Variants in TNFRSF19 observed in about 807,000 individuals in gnomAD.
The protein encoded by TNFRSF19 is tumor necrosis factor receptor superfamily member 19.
In TNFRSF19, 27 loss-of-function variants were observed where a neutral mutation model predicts 46.4. The observed-to-expected ratio is 0.58, with a 90% confidence interval of 0.43 to 0.80. The LOEUF is 0.80. Among genes scored for constraint, TNFRSF19 ranks in the 30% least tolerant of loss-of-function variants. The pLI, the probability that TNFRSF19 is intolerant of heterozygous loss-of-function variation, is 0.00. For synonymous variants in TNFRSF19, 204 were observed against 205.0 expected, an observed-to-expected ratio of 1.00 and a Z score of 0.04; for missense variants, 511 against 530.8, an observed-to-expected ratio of 0.96 and a Z score of 0.37.
At chr13:23,634,252 T>G (rs1260117808) in intron 5 of TNFRSF19, among the ~76,000 whole-genome samples, 1 of 152,228 alleles carries the variant, frequency 6.6e-6, no homozygotes, top group Non-Finnish European at 1.5e-5. Flanking sequence ...CAGCACCCCT[T>G]GAATTGGGAG....
chr13:23,659,272 TGTC>T lies in TNFRSF19; in HGVS notation c.610+61_610+63del. 2 of 1,542,250 alleles carry T rather than the reference TGTC, an allele frequency of 1.3e-6. No homozygotes were observed. Among genetic ancestry groups the T allele is most frequent in the South Asian group, 2.5e-5 (2 of 80,542 alleles). Reference sequence around the variant, plus strand: ...TTAGGGGAAGGGCATTTATTACTATTGTCGTGCAAGTGTTCCACAAGAGACTTG... The same window carrying T: ...TTAGGGGAAGGGCATTTATTACTATTGTGCAAGTGTTCCACAAGAGACTTG... On this transcript the variant is annotated intron_variant, in intron 6 of 9. Coordinates refer to ENST00000248484, the MANE Select transcript of TNFRSF19 (RefSeq NM_148957.4). This position sits in a 1 kb window ranked among gnomAD's most constrained non-coding sequence, Gnocchi z 4.9.
chr13:23,650,115 T>G (rs1476263910), intron 5 of TNFRSF19, among the ~76,000 whole-genome samples: 1 of 152,222 alleles, frequency 6.6e-6, no homozygotes, highest in Non-Finnish European at 1.5e-5. Flanking sequence ...AAACAGCTCT[T>G]CTGGCATAAA....
chr13:23,657,154 T>C (rs751546993), intron 5 of TNFRSF19, among the ~76,000 whole-genome samples: 7 of 152,254 alleles, frequency 4.6e-5, no homozygotes, highest in African/African-American at 9.6e-5. Flanking sequence ...ATATGGTGTG[T>C]GTGCCTTCCC....
intron 5 of TNFRSF19, among the ~76,000 whole-genome samples, chr13:23,657,319 G>A (rs1387239968): frequency 6.6e-6 from 1 of 152,200 alleles, no homozygotes; most frequent in African/African-American, 2.4e-5. Context: ...AGTCTCAGGT[G>A]TCATACGATC....
chr13:23,588,849 CTT>C (rs1402047611), intron 1 of TNFRSF19, among the ~76,000 whole-genome samples: 2 of 152,202 alleles, frequency 1.3e-5, no homozygotes, highest in Non-Finnish European at 2.9e-5. Context: ...TTTGAATTCA[CTT>C]CAAATGGGTC....
intron 7 of TNFRSF19, among the ~76,000 whole-genome samples, chr13:23,666,511 G>A (rs1393557653): frequency 6.6e-6 from 1 of 152,148 alleles, no homozygotes; most frequent in East Asian, 1.9e-4. Context: ...TGATGCTCAT[G>A]TTGCCTTTCA....
chr13:23,633,408 G>A (rs1230728972), intron 5 of TNFRSF19, among the ~76,000 whole-genome samples: 1 of 152,176 alleles, frequency 6.6e-6, no homozygotes, highest in Admixed American at 6.5e-5. Flanking sequence ...TTTCAAGAAA[G>A]CAGAAAACTG....
At chr13:23,604,920 TTA>T (rs769559660) in intron 3 of TNFRSF19, among the ~76,000 whole-genome samples, 50 of 152,140 alleles carry the variant, frequency 3.3e-4, no homozygotes, top group Non-Finnish European at 6.0e-4. Context: ...GATGACTGTT[TTA>T]TATGACACCA....
chr13:23,594,238 A>G (rs771408017), intron 3 of TNFRSF19: 24 of 452,522 alleles, frequency 5.3e-5, no homozygotes, highest in African/African-American at 3.2e-4. Context: ...GGCATCTGGA[A>G]CACCAGCGAG....
rs1041695824 is a variant in TNFRSF19, at chr13:23,570,494, T to C, written c.-389T>C. 4 of 152,256 alleles carry C rather than the reference T, an allele frequency of 2.6e-5. No individual in the cohort carries two copies. Among genetic ancestry groups the C allele is most frequent in the Admixed American group, 6.5e-5 (1 of 15,278 alleles). The allele number at this position is 152,256 out of a possible 1,614,324, so 9.4% of individuals were successfully genotyped here. On this transcript the variant is annotated 5_prime_UTR_variant, in exon 1 of 10. It removes an upstream start codon present in the reference 5' UTR. Transcript: ENST00000248484. ...CAGATCCAGCCACTCAGCCCAAGCA[T>C]GGGAGAACTACCAGCATTGCCTCAT...
intron 3 of TNFRSF19, among the ~76,000 whole-genome samples, chr13:23,608,795 A>G (rs1252050473): frequency 1.3e-5 from 2 of 152,224 alleles, no homozygotes; most frequent in African/African-American, 4.8e-5. Context: ...TAATTCTGGC[A>G]TGGGACCAGC....
At chr13:23,612,285 T>G (rs1001566497) in intron 3 of TNFRSF19, among the ~76,000 whole-genome samples, 1 of 152,194 alleles carries the variant, frequency 6.6e-6, no homozygotes, top group Admixed American at 6.5e-5. Context: ...TTGAACTTAA[T>G]GGGGAAGATT....
rs192434829 is a variant in TNFRSF19, at chr13:23,614,687, G to A, written c.181-1180G>A. Reference sequence around the variant, plus strand: ...TTCTATAGAAACCATCACAAAGACCGACAACAGGTGTTACCAACAGTGTGT... The same window carrying A: ...TTCTATAGAAACCATCACAAAGACCAACAACAGGTGTTACCAACAGTGTGT... On this transcript the variant is annotated intron_variant, in intron 3 of 9. Transcript: ENST00000248484. Among the ~76,000 whole-genome samples, 129 of 150,790 alleles carry A rather than the reference G, an allele frequency of 8.6e-4. 1 individual carries two copies. The highest frequency in any genetic ancestry group is 8.0e-3 in the Admixed American group (120 of 15,068).
At chr13:23,608,338 A>G (rs1319123967) in intron 3 of TNFRSF19, among the ~76,000 whole-genome samples, 1 of 152,258 alleles carries the variant, frequency 6.6e-6, no homozygotes, top group Non-Finnish European at 1.5e-5. Flanking sequence ...CTAAGATAAT[A>G]TTAGCTAATT....
In TNFRSF19 at chr13:23,675,635, C is replaced by T. The variant is rs1005793160; in HGVS notation, c.*2255C>T. The T allele has an allele frequency of 2.6e-5, 4 of 152,154 alleles. No individual in the cohort carries two copies. The highest frequency in any genetic ancestry group is 9.7e-5 in the African/African-American group (4 of 41,430). 9.4% of individuals were successfully genotyped at this position (152,154 alleles called of 1,614,324 possible). A position where few individuals can be genotyped will look rare whatever the true frequency, so the allele number is the denominator to read the frequency against. On this transcript the variant is annotated 3_prime_UTR_variant, in exon 10 of 10. Transcript: ENST00000248484. ...CATTTGAGGAAAAAAATGCAATTTG[C>T]ACTTCACTTTGTTGGAATATCCCAT... is the stretch of plus-strand genomic sequence containing the variant.
chr13:23,625,754 C>T (rs533343975), intron 4 of TNFRSF19, among the ~76,000 whole-genome samples: 29 of 152,050 alleles, frequency 1.9e-4, no homozygotes, highest in African/African-American at 7.0e-4. Context: ...CTAAATTGCC[C>T]TCCTAAAAGT....
chr13:23,660,429 G>A lies in TNFRSF19; in HGVS notation c.675G>A (p.Gln225=), dbSNP rs1480598248. ...GSELSCFDRP[Q]LHEYAHRACC... The stretch of plus-strand genomic sequence containing the variant: ...AGCTGTCGTGTTTTGACAGACCTCA[G>A]CTCCACGAATATGCCCACAGAGCCT... Residue 225 remains glutamine, a synonymous_variant, in exon 7 of 10, where the codon CAG becomes CAA. Coordinates refer to ENST00000248484, the MANE Select transcript of TNFRSF19 (RefSeq NM_148957.4). 4.4e-5 allele frequency: 71 copies of A among 1,613,748 alleles called. No individual in the cohort carries two copies. The East Asian group carries it at 1.5e-3, about 34-fold the overall frequency.
chr13:23,616,644 G>T (rs138031810), intron 4 of TNFRSF19, among the ~76,000 whole-genome samples: 8 of 152,146 alleles, frequency 5.3e-5, no homozygotes, highest in African/African-American at 1.9e-4. Flanking sequence ...GTGCAATGGC[G>T]CAATCTCAGC....
chr13:23,614,815 G>A (rs561295937), intron 3 of TNFRSF19, among the ~76,000 whole-genome samples: 1 of 148,924 alleles, frequency 6.7e-6, no homozygotes, highest in Admixed American at 6.8e-5. Context: ...GCCTGACTCT[G>A]GAATTAGACG....
Sources: gnomAD v4.1 joint callset for allele counts (sites outside exome capture counted in the v4.1 genomes callset) on GRCh38, gnomAD v4.1.1 for gene constraint, Gnocchi (gnomAD v3.1) non-coding constraint, MANE v1.5 for transcripts, NCBI Gene and HGNC (gene_info 2026-07-23, HGNC 2026-07-21) for gene names.